The following OR1M1 variants were observed in gnomAD, a reference collection of about 807,000 sequenced individuals.
OR1M1 encodes olfactory receptor family 1 subfamily M member 1.
For synonymous variants in OR1M1, 157 were observed against 165.5 expected, an observed-to-expected ratio of 0.95 and a Z score of 0.39; for missense variants, 397 against 401.8, an observed-to-expected ratio of 0.99 and a Z score of 0.10.
At chr19:9,092,172 G>A (rs546322547) in intron 1 of OR1M1, among the ~76,000 whole-genome samples, 8 of 136,942 alleles carry the variant, frequency 5.8e-5, no homozygotes, top group South Asian at 5.0e-4. Flanking sequence ...TGCCCACCTC[G>A]CCCTCCCAAA....
At position 9,093,379 on chromosome 19, in the gene OR1M1, C is replaced by G. The variant is rs770532502; in HGVS notation, c.135C>G (p.Ile45Met). The part of the protein sequence containing the change: ...YLVMVVGNLL[I>M]ILAISIDSHL... Reference sequence around the variant, plus strand: ...TCATGGTCGTGGGGAACCTGCTCATCATCCTGGCCATCAGCATAGACTCCC... The same window carrying G: ...TCATGGTCGTGGGGAACCTGCTCATGATCCTGGCCATCAGCATAGACTCCC... The change falls in exon 2 of 2, where the codon ATC becomes ATG. Residue 45 changes from isoleucine to methionine, a missense_variant. By Grantham distance (10) the Ile-to-Met change is conservative. Coordinates refer to ENST00000641627, the MANE Select transcript of OR1M1 (RefSeq NM_001004456.2). 1.9e-6 allele frequency: 3 copies of G among 1,613,954 alleles called. No individual in the cohort carries two copies. The highest frequency in any genetic ancestry group is 1.7e-6 in the Non-Finnish European group (2 of 1,179,990).
chr19:9,094,110 T>C lies in OR1M1; in HGVS notation c.866T>C (p.Ile289Thr). The C allele has an allele frequency of 6.2e-7, 1 of 1,613,802 alleles. No individual in the cohort carries two copies. Among genetic ancestry groups the C allele is most frequent in the Non-Finnish European group, 8.5e-7 (1 of 1,179,994 alleles). ...GTCACCCCCATGCTGAATCCCTTCA[T>C]CTACAGCTTGAGGAACAGAGACCTG... ...TAVTPMLNPFIYSLRNRDLKG... is the reference protein window; with the variant it reads ...TAVTPMLNPFTYSLRNRDLKG... Residue 289 changes from isoleucine (I) to threonine (T), a missense_variant, in exon 2 of 2, where the codon ATC becomes ACC. Transcript: ENST00000641627.
intron 1 of OR1M1, 147 bp from the exon 2 acceptor site, chr19:9,093,079 TACACAC>T (rs560891702): frequency 9.1e-5 from 37 of 406,612 alleles, no homozygotes; most frequent in Middle Eastern, 6.5e-4. Context: ...ATTCTATATA[TACACAC>T]ACACACACAC....
chr19:9,093,085 C>G (rs1367443677), intron 1 of OR1M1, 147 bp from the exon 2 acceptor site: 1 of 521,706 alleles, frequency 1.9e-6, no homozygotes, highest in African/African-American at 2.0e-5. Flanking sequence ...TATATACACA[C>G]ACACACACAC....
chr19:9,093,109 C>CACACATATAT (rs572607972), intron 1 of OR1M1, 123 bp from the exon 2 acceptor site: 20 of 492,332 alleles, frequency 4.1e-5, no homozygotes, highest in African/African-American at 3.9e-4. Context: ...CACACACACA[C>CACACATATAT]ATATATATAT....
At position 9,094,020 on chromosome 19, in the gene OR1M1, A is replaced by C. The variant is rs1449414250; in HGVS notation, c.776A>C (p.Tyr259Ser). 1 of 1,614,084 alleles carries C rather than the reference A, an allele frequency of 6.2e-7. No homozygotes were observed. The highest frequency in any genetic ancestry group is 1.1e-5 in the South Asian group (1 of 91,084). The change falls in exon 2 of 2, where the codon TAT becomes TCT. Residue 259 changes from tyrosine (Y) to serine (S), a missense_variant. Tyr to Ser is a moderately radical substitution (Grantham distance 144). Coordinates refer to ENST00000641627, the MANE Select transcript of OR1M1 (RefSeq NM_001004456.2). ...ALFYGTTIGV[Y>S]LCPSSVLTTV... ...TTCTATGGGACCACCATTGGCGTCT[A>C]TCTGTGTCCCTCCTCGGTCCTCACC... is the stretch of plus-strand genomic sequence containing the variant.
intron 1 of OR1M1, among the ~76,000 whole-genome samples, chr19:9,087,704 C>A (rs898120281): frequency 6.6e-6 from 1 of 152,040 alleles, no homozygotes; most frequent in Non-Finnish European, 1.5e-5. Context: ...CCCGCCTCAG[C>A]CTCCGAAAGT....
chr19:9,093,121 T>TAC (rs2050303625), intron 1 of OR1M1, 111 bp from the exon 2 acceptor site: 17 of 609,656 alleles, frequency 2.8e-5, no homozygotes, highest in Non-Finnish European at 3.2e-5. Flanking sequence ...TATATATATA[T>TAC]ACACATCTGG....
In OR1M1 at chr19:9,093,635, C is replaced by T; in HGVS notation, c.391C>T (p.His131Tyr). The change falls in exon 2 of 2, where the codon CAC becomes TAC. Residue 131 changes from histidine to tyrosine, a missense_variant. By Grantham distance (83) the His-to-Tyr change is moderately conservative. Transcript: ENST00000641627. ...GTTCGTGGCCATCTGCCACCCATTGCACTACGCCAAGATCATGAGCCTACG... is the reference window on the plus strand; with the variant it reads ...GTTCGTGGCCATCTGCCACCCATTGTACTACGCCAAGATCATGAGCCTACG... Reference protein sequence around the residue: ...DRFVAICHPLHYAKIMSLRLC... With the variant: ...DRFVAICHPLYYAKIMSLRLC... The T allele has an allele frequency of 1.9e-6, 3 of 1,614,196 alleles. No individual in the cohort carries two copies. Among genetic ancestry groups the T allele is most frequent in the Non-Finnish European group, 2.5e-6 (3 of 1,180,036 alleles).
rs2050305141 is a variant in OR1M1 at position 9,093,327 on chromosome 19, T to C, written c.83T>C (p.Phe28Ser). ...AAGCCAGAGCAGGAGACGCTTCTCT[T>C]TTCCCTGTTCTTCTGCATGTACCTG... The part of the protein sequence containing the change: ...SEKPEQETLL[F>S]SLFFCMYLVM... Residue 28 changes from phenylalanine (F) to serine (S), a missense_variant, in exon 2 of 2, where the codon TTT (phenylalanine) becomes TCT (serine). Transcript: ENST00000641627. 6.2e-7 allele frequency: 1 copy of C among 1,613,766 alleles called. No homozygotes were observed. Among genetic ancestry groups the C allele is most frequent in the Admixed American group, 1.7e-5 (1 of 59,916 alleles).
chr19:9,093,109 C>CACACACATAT (rs572607972), intron 1 of OR1M1, 123 bp from the exon 2 acceptor site: 12 of 492,312 alleles, frequency 2.4e-5, no homozygotes, highest in Non-Finnish European at 4.3e-5. Context: ...CACACACACA[C>CACACACATAT]ATATATATAT....
rs2050309237 is a variant in OR1M1, at chr19:9,093,711, C to A, written c.467C>A (p.Ser156Ter). The A allele has an allele frequency of 1.2e-6, 2 of 1,613,916 alleles. No homozygotes were observed. Among genetic ancestry groups the A allele is most frequent in the Non-Finnish European group, 1.7e-6 (2 of 1,179,920 alleles). The change falls in exon 2 of 2, where the codon TCA becomes TAA. Residue 156 changes from serine (S) to a stop codon, truncating the protein, a stop_gained. Transcript: ENST00000641627. LOFTEE classifies it low-confidence loss of function (END_TRUNC). ...CTCTGGGCGTTTTCCTGCTTCATCT[C>A]ACTCACTCACATCCTCCTGATGGCC... ...GALWAFSCFI[S>*]LTHILLMARL...
At chr19:9,091,036 G>A (rs2050289973) in intron 1 of OR1M1, among the ~76,000 whole-genome samples, 2 of 151,902 alleles carry the variant, frequency 1.3e-5, no homozygotes, top group Non-Finnish European at 2.9e-5. Context: ...GCGTGGTGGT[G>A]GGCGCCTGTA....
Position 9,093,284 on chromosome 19 carries a change from C to A in OR1M1, c.40C>A (p.Leu14Ile), listed in dbSNP as rs1250756788. ...RNQTSASQFI[L>I]LGLSEKPEQE... Reference sequence around the variant, plus strand: ...CCAAACCAGTGCATCTCAATTCATCCTCCTGGGACTCTCAGAAAAGCCAGA... The same window carrying A: ...CCAAACCAGTGCATCTCAATTCATCATCCTGGGACTCTCAGAAAAGCCAGA... Residue 14 changes from leucine (L) to isoleucine (I), a missense_variant, in exon 2 of 2, where the codon CTC (leucine) becomes ATC (isoleucine). Physicochemically the swap from Leu to Ile is conservative, Grantham distance 5. Coordinates refer to ENST00000641627, the MANE Select transcript of OR1M1 (RefSeq NM_001004456.2). The A allele has an allele frequency of 1.2e-6, 2 of 1,613,228 alleles. No individual in the cohort carries two copies. The highest frequency in any genetic ancestry group is 1.7e-6 in the Non-Finnish European group (2 of 1,179,670).
rs144248437 is a variant in OR1M1 at position 9,088,351 on chromosome 19, C to G, written c.-14+1194C>G. On this transcript the variant is annotated intron_variant, in intron 1 of 1. Transcript: ENST00000641627. ...GCTGAGAGATCTTAGACACAGAGTG[C>G]AGAGGTCCAGATAGGATAGGACTGG... 1.8e-3 allele frequency among the ~76,000 whole-genome samples: 268 copies of G among 152,242 alleles called. 2 individuals are homozygous for G. The highest frequency in any genetic ancestry group is 6.0e-3 in the African/African-American group (251 of 41,544).
intron 1 of OR1M1, among the ~76,000 whole-genome samples, chr19:9,091,055 T>C (rs2145903716): frequency 6.6e-6 from 1 of 151,962 alleles, no homozygotes; most frequent in South Asian, 2.1e-4. Flanking sequence ...TAGTCCCAGC[T>C]ACTCGGGAGT....
chr19:9,090,965 G>GCC (rs2050289194), intron 1 of OR1M1, among the ~76,000 whole-genome samples: 4 of 151,764 alleles, frequency 2.6e-5, no homozygotes, highest in Non-Finnish European at 5.9e-5. Context: ...AGGAGATCAA[G>GCC]ACCATCCTGG....
intron 1 of OR1M1, among the ~76,000 whole-genome samples, chr19:9,091,322 CT>C (rs5827044): frequency 0.67 from 98,395 of 147,922 alleles, 32,590 homozygotes; most frequent in East Asian, 0.8. Context: ...AACCCCATTT[CT>C]TTTTTTTTTT....
At chr19:9,090,469 C>CT (rs1568296374) in intron 1 of OR1M1, among the ~76,000 whole-genome samples, 1 of 152,010 alleles carries the variant, frequency 6.6e-6, no homozygotes, top group Non-Finnish European at 1.5e-5. Context: ...AGGATTGTTT[C>CT]TTTTTTTTGA....
Sources: gnomAD v4.1 joint callset for allele counts (sites outside exome capture counted in the v4.1 genomes callset) on GRCh38, gnomAD v4.1.1 for gene constraint, MANE v1.5 for transcripts, NCBI Gene and HGNC (gene_info 2026-07-23, HGNC 2026-07-21) for gene names.